Variants in CTNNA1 observed in about 807,000 individuals in gnomAD.
CTNNA1 encodes the protein catenin alpha-1.
A neutral mutation model predicts 98.4 loss-of-function variants in CTNNA1; 37 were observed. The ratio of observed to expected loss-of-function variants is 0.38; its 90% CI spans 0.29 to 0.49. CTNNA1 has a LOEUF of 0.49. Among genes scored for constraint, CTNNA1 ranks in the 20% least tolerant of loss-of-function variants. The probability of loss-of-function intolerance (pLI) is 0.95; values close to 1 mark genes in which losing one functional copy is unlikely to be tolerated. For missense variants in CTNNA1, 761 were observed against 1,147.2 expected (o/e 0.66, Z 4.86); for synonymous variants, 404 against 413.2 (o/e 0.98, Z 0.27).
chr5:138,755,845 C>CTTTTTTTTT (rs60260246), intron 1 of CTNNA1, among the ~76,000 whole-genome samples: 15 of 58,448 alleles, frequency 2.6e-4, no homozygotes, highest in South Asian at 9.3e-4. Flanking sequence ...GGATTTCCTT[C>CTTTTTTTTT]TTTTTTTTTT....
intron 9 of CTNNA1, among the ~76,000 whole-genome samples, chr5:138,902,662 G>A (rs1466507918): frequency 1.3e-5 from 2 of 152,074 alleles, no homozygotes; most frequent in African/African-American, 4.8e-5. Flanking sequence ...CTCATGATCC[G>A]CCCGCCTCGG....
chr5:138,812,929 C>G (rs76575791), intron 5 of CTNNA1, among the ~76,000 whole-genome samples: 4,931 of 152,252 alleles, frequency 0.032, 109 homozygotes, highest in Non-Finnish European at 0.049. Context: ...TGCTATCCAT[C>G]TTCTTATATC....
rs79799962 is a variant in CTNNA1, at chr5:138,803,356, A to T, written c.302-6682A>T. On this transcript the variant is annotated intron_variant, in intron 3 of 17. Coordinates refer to ENST00000302763, the MANE Select transcript of CTNNA1 (RefSeq NM_001903.5). Reference sequence around the variant, plus strand: ...TTATTTGTAGAGATGAGGTCTCACAATGTTACGTAGGCTGGTCTTGAACTC... The same window carrying T: ...TTATTTGTAGAGATGAGGTCTCACATTGTTACGTAGGCTGGTCTTGAACTC... Among the ~76,000 whole-genome samples the T allele has an allele frequency of 7.2e-4, 110 of 152,036 alleles. 1 individual carries two copies. Among genetic ancestry groups the T allele is most frequent in the African/African-American group, 2.6e-3 (107 of 41,476 alleles).
chr5:138,897,024 A>G (rs1240454574), intron 9 of CTNNA1, among the ~76,000 whole-genome samples: 1 of 152,140 alleles, frequency 6.6e-6, no homozygotes, highest in Non-Finnish European at 1.5e-5. Context: ...TGGCATAGGG[A>G]AAATGCCATT....
At chr5:138,864,984 T>C (rs1352114393) in intron 7 of CTNNA1, among the ~76,000 whole-genome samples, 1 of 151,936 alleles carries the variant, frequency 6.6e-6, no homozygotes, top group Non-Finnish European at 1.5e-5. Flanking sequence ...CGGCTAATTT[T>C]TGTATTTTTA....
At chr5:138,854,183 G>T (rs1178189933) in intron 7 of CTNNA1, among the ~76,000 whole-genome samples, 1 of 152,134 alleles carries the variant, frequency 6.6e-6, no homozygotes, top group Non-Finnish European at 1.5e-5. Flanking sequence ...AATGTGTGTG[G>T]ATATCTGCGA....
chr5:138,927,057 G>A (rs1263294857), intron 13 of CTNNA1, among the ~76,000 whole-genome samples: 2 of 152,118 alleles, frequency 1.3e-5, no homozygotes, highest in African/African-American at 4.8e-5. Flanking sequence ...GTTCACAGTA[G>A]AGAACCTGAA....
intron 7 of CTNNA1, among the ~76,000 whole-genome samples, chr5:138,835,403 T>C (rs1378045440): frequency 6.6e-6 from 1 of 152,230 alleles, no homozygotes; most frequent in Non-Finnish European, 1.5e-5. Flanking sequence ...TCCATCTTTC[T>C]TTGAACTCTT....
chr5:138,919,759 C>T (rs1345760277), intron 11 of CTNNA1, among the ~76,000 whole-genome samples: 1 of 152,148 alleles, frequency 6.6e-6, no homozygotes, highest in Non-Finnish European at 1.5e-5. Context: ...GTGTGTTTTT[C>T]TGATGTTCTG....
At chr5:138,802,502 A>T (rs1363817786) in intron 3 of CTNNA1, among the ~76,000 whole-genome samples, 2 of 151,962 alleles carry the variant, frequency 1.3e-5, no homozygotes, top group African/African-American at 2.4e-5. Context: ...CTTATTTTTT[A>T]AAAATTTATT....
intron 7 of CTNNA1, among the ~76,000 whole-genome samples, chr5:138,838,597 G>T (rs1439740245): frequency 6.6e-6 from 1 of 150,842 alleles, no homozygotes; most frequent in East Asian, 1.9e-4. Context: ...TTTTCTGTCT[G>T]CTTATTTTGG....
chr5:138,782,073 G>C, intron 2 of CTNNA1, 44 bp downstream of exon 2: 1 of 1,570,436 alleles, frequency 6.4e-7, no homozygotes, highest in South Asian at 1.2e-5. Context: ...TGGTTCTATA[G>C]CACAGGCCTG....
In CTNNA1 at chr5:138,816,696, G is replaced by A. The variant is rs115744354; in HGVS notation, c.588+4394G>A. On this transcript the variant is annotated intron_variant, in intron 5 of 17. Coordinates refer to ENST00000302763, the MANE Select transcript of CTNNA1 (RefSeq NM_001903.5). ...TCTTCTTTTGAGAAATGTATGTTTAGCTCATTTGTCTTTTTTTTTTTTAAG... is the reference window on the plus strand; with the variant it reads ...TCTTCTTTTGAGAAATGTATGTTTAACTCATTTGTCTTTTTTTTTTTTAAG... Among the ~76,000 whole-genome samples, 981 of 151,840 alleles carry A rather than the reference G, an allele frequency of 6.5e-3. 8 individuals carry two copies. The highest frequency in any genetic ancestry group is 0.021 in the African/African-American group (856 of 41,394).
intron 5 of CTNNA1, 74 bp downstream of exon 5, chr5:138,812,376 T>C: frequency 1.3e-6 from 2 of 1,500,878 alleles, no homozygotes; most frequent in Non-Finnish European, 1.8e-6. Context: ...TTCTGTGTGT[T>C]TTCTGAAAGT....
At chr5:138,786,430 C>T (rs73267571) in intron 3 of CTNNA1, among the ~76,000 whole-genome samples, 1,769 of 152,176 alleles carry the variant, frequency 0.012, 36 homozygotes, top group African/African-American at 0.035. Flanking sequence ...ATTTACTCAT[C>T]GTTTGAAACC....
At chr5:138,777,043 C>T (rs1266200306) in intron 1 of CTNNA1, among the ~76,000 whole-genome samples, 3 of 151,914 alleles carry the variant, frequency 2.0e-5, no homozygotes, top group South Asian at 2.1e-4. Flanking sequence ...CGGGCAGAGA[C>T]GCTCCTCACT....
chr5:138,841,100 G>A (rs192071016), intron 7 of CTNNA1, among the ~76,000 whole-genome samples: 1 of 152,084 alleles, frequency 6.6e-6, no homozygotes, highest in Non-Finnish European at 1.5e-5. Context: ...ACTTAGAAGG[G>A]CACAAGTCTG....
intron 4 of CTNNA1, 69 bp downstream of exon 4, chr5:138,810,273 C>G (rs1038537318): frequency 1.3e-6 from 2 of 1,531,876 alleles, no homozygotes; most frequent in South Asian, 1.2e-5. Flanking sequence ...TTCCTTAGTT[C>G]AGTATTCCTT....
At chr5:138,892,372 C>G (rs866612609) in intron 9 of CTNNA1, among the ~76,000 whole-genome samples, 1 of 109,072 alleles carries the variant, frequency 9.2e-6, no homozygotes, top group South Asian at 3.3e-4. Context: ...CAGAGTCTTG[C>G]TCTGTCGCCC....
Sources: gnomAD v4.1 joint callset for allele counts (sites outside exome capture counted in the v4.1 genomes callset) on GRCh38, gnomAD v4.1.1 for gene constraint, MANE v1.5 for transcripts, NCBI Gene and HGNC (gene_info 2026-07-23, HGNC 2026-07-21) for gene names.